Variants in CLSTN2 observed in about 807,000 individuals in gnomAD.
CLSTN2 encodes calsyntenin-2.
A neutral mutation model predicts 101.2 loss-of-function variants in CLSTN2; 48 were observed. That is an observed-to-expected ratio of 0.47 (90% CI 0.38 to 0.60). The LOEUF (loss-of-function observed/expected upper bound fraction) is 0.60, where lower values mean the gene tolerates loss of function less well. Among genes scored for constraint, CLSTN2 ranks in the 20% least tolerant of loss-of-function variants. The pLI is 0.00. For missense variants in CLSTN2, 1,160 were observed against 1,238.2 expected, an observed-to-expected ratio of 0.94 and a Z score of 0.95; for synonymous variants, 481 against 463.6, an observed-to-expected ratio of 1.04 and a Z score of -0.48.
At chr3:140,004,849 G>T (rs1356252696) in intron 1 of CLSTN2, among the ~76,000 whole-genome samples, 1 of 151,500 alleles carries the variant, frequency 6.6e-6, no homozygotes, top group Non-Finnish European at 1.5e-5. Flanking sequence ...GTTAAGCAAG[G>T]TATAAAAATT....
intron 2 of CLSTN2, among the ~76,000 whole-genome samples, chr3:140,321,158 T>C (rs2087280119): frequency 6.6e-6 from 1 of 152,202 alleles, no homozygotes; most frequent in South Asian, 2.1e-4. Flanking sequence ...CTTGGCTGTA[T>C]GATTCTATTC....
intron 2 of CLSTN2, among the ~76,000 whole-genome samples, chr3:140,284,119 A>G (rs2086873330): frequency 6.6e-6 from 1 of 152,218 alleles, no homozygotes; most frequent in Non-Finnish European, 1.5e-5. Context: ...TTTTAAGAGA[A>G]GGCAGCAAGA....
chr3:140,219,104 A>G (rs934194917), intron 2 of CLSTN2, among the ~76,000 whole-genome samples: 3 of 151,958 alleles, frequency 2.0e-5, no homozygotes, highest in Admixed American at 2.0e-4. Context: ...CAGTTCATGT[A>G]TCATGTATCC....
At chr3:140,194,078 T>C (rs1191060088) in intron 2 of CLSTN2, among the ~76,000 whole-genome samples, 1 of 152,194 alleles carries the variant, frequency 6.6e-6, no homozygotes, top group Non-Finnish European at 1.5e-5. Flanking sequence ...ATACATGTGT[T>C]TTTATCATGG....
At chr3:140,296,582 T>C (rs561925743) in intron 2 of CLSTN2, among the ~76,000 whole-genome samples, 1 of 152,380 alleles carries the variant, frequency 6.6e-6, no homozygotes, top group South Asian at 2.1e-4. Context: ...ATTGGGATGC[T>C]CATCATTTTC....
intron 8 of CLSTN2, among the ~76,000 whole-genome samples, chr3:140,502,540 G>A (rs1012215634): frequency 3.3e-5 from 5 of 152,202 alleles, no homozygotes; most frequent in African/African-American, 4.8e-5. Flanking sequence ...CTTTTTGTTT[G>A]TTTGTCTAAA....
chr3:140,407,108 A>G (rs2088312278), intron 4 of CLSTN2, among the ~76,000 whole-genome samples: 1 of 152,152 alleles, frequency 6.6e-6, no homozygotes, highest in Non-Finnish European at 1.5e-5. Flanking sequence ...TCCTCCAGGT[A>G]ATGAAGCAGG....
intron 2 of CLSTN2, among the ~76,000 whole-genome samples, chr3:140,224,226 A>G (rs772029497): frequency 1.6e-4 from 25 of 152,326 alleles, no homozygotes; most frequent in East Asian, 1.9e-4. Context: ...TGTGTGACCA[A>G]TGGCGAATCA....
intron 2 of CLSTN2, among the ~76,000 whole-genome samples, chr3:140,333,509 C>T (rs1298594193): frequency 6.6e-6 from 1 of 152,116 alleles, no homozygotes; most frequent in Non-Finnish European, 1.5e-5. Flanking sequence ...GACCCCTGTG[C>T]CCATGGTCTG....
chr3:139,938,708 A>G (rs112952630), intron 1 of CLSTN2, among the ~76,000 whole-genome samples: 1 of 152,220 alleles, frequency 6.6e-6, no homozygotes, highest in African/African-American at 2.4e-5. Context: ...ACAACACCTC[A>G]AAGTTTGTGC....
At chr3:140,156,303 AT>A (rs1404923344) in intron 1 of CLSTN2, among the ~76,000 whole-genome samples, 1 of 152,170 alleles carries the variant, frequency 6.6e-6, no homozygotes, top group East Asian at 1.9e-4. Flanking sequence ...TTCAATTACA[AT>A]TTACTCTAAA....
chr3:140,531,089 C>G (rs1396627460), intron 8 of CLSTN2, among the ~76,000 whole-genome samples: 1 of 152,052 alleles, frequency 6.6e-6, no homozygotes. Context: ...ACAGGCCTAG[C>G]TTGAGAGCCC....
At chr3:140,192,653 C>CT (rs1418133392) in intron 2 of CLSTN2, among the ~76,000 whole-genome samples, 5 of 124,824 alleles carry the variant, frequency 4.0e-5, no homozygotes, top group African/African-American at 9.9e-5. Flanking sequence ...ATGATATATT[C>CT]TTTTTTTTCC....
chr3:140,549,605 C>T (rs575045603), intron 10 of CLSTN2, among the ~76,000 whole-genome samples: 13 of 150,724 alleles, frequency 8.6e-5, no homozygotes, highest in Admixed American at 8.0e-4. Flanking sequence ...ACTAAGGGGA[C>T]TGGGGCTCAG....
At chr3:140,409,214 C>A (rs988064718) in intron 4 of CLSTN2, among the ~76,000 whole-genome samples, 5 of 152,228 alleles carry the variant, frequency 3.3e-5, no homozygotes, top group African/African-American at 9.6e-5. Context: ...CCACAGTTGG[C>A]TCTGCCCCAG....
At chr3:140,051,694 A>T (rs1161077471) in intron 1 of CLSTN2, among the ~76,000 whole-genome samples, 1 of 152,138 alleles carries the variant, frequency 6.6e-6, no homozygotes, top group Non-Finnish European at 1.5e-5. Flanking sequence ...GCCTCAAAAC[A>T]CTATTGAGGC....
intron 1 of CLSTN2, among the ~76,000 whole-genome samples, chr3:139,944,081 A>G (rs1210460037): frequency 1.3e-5 from 2 of 152,312 alleles, no homozygotes; most frequent in East Asian, 1.9e-4. Context: ...AGAACTTACT[A>G]TGCACCAAGC....
chr3:140,088,913 GTAAA>G (rs1388881057), intron 1 of CLSTN2, among the ~76,000 whole-genome samples: 4 of 152,062 alleles, frequency 2.6e-5, no homozygotes, highest in Non-Finnish European at 5.9e-5. Context: ...ACTGGATAAA[GTAAA>G]TAAATATTTT....
chr3:139,993,259 G>A (rs895273260), intron 1 of CLSTN2, among the ~76,000 whole-genome samples: 1 of 152,098 alleles, frequency 6.6e-6, no homozygotes, highest in African/African-American at 2.4e-5. Flanking sequence ...TTGGGCTGAT[G>A]GTCTCTCTCT....
Sources: gnomAD v4.1 joint callset for allele counts (sites outside exome capture counted in the v4.1 genomes callset) on GRCh38, gnomAD v4.1.1 for gene constraint, MANE v1.5 for transcripts, NCBI Gene and HGNC (gene_info 2026-07-23, HGNC 2026-07-21) for gene names.